The following BUB1 variants were observed in gnomAD, a reference collection of about 807,000 sequenced individuals.
The protein encoded by BUB1 is BUB1 mitotic checkpoint serine/threonine kinase.
In BUB1, 84 loss-of-function variants were observed where a neutral mutation model predicts 135.2. The observed-to-expected ratio is 0.62, with a 90% CI of 0.52 to 0.74. The LOEUF (loss-of-function observed/expected upper bound fraction) is 0.74. Ranked by LOEUF, BUB1 falls within the 30% of genes least tolerant of loss-of-function variation. The pLI, the probability that BUB1 is intolerant of heterozygous loss-of-function variation, is 0.00. For synonymous variants in BUB1, 403 were observed against 434.4 expected, an observed-to-expected ratio of 0.93 and a Z score of 0.90; for missense variants, 1,162 against 1,288.3, an observed-to-expected ratio of 0.90 and a Z score of 1.50.
chr2:110,655,643 T>A (rs1216407975), intron 16 of BUB1, 96 bp downstream of exon 16: 1 of 1,193,902 alleles, frequency 8.4e-7, no homozygotes, highest in Non-Finnish European at 1.1e-6. Flanking sequence ...CCATGTGGAA[T>A]TTCCATGAAG....
At chr2:110,675,704 T>G (rs911724240) in intron 1 of BUB1, among the ~76,000 whole-genome samples, 1 of 151,992 alleles carries the variant, frequency 6.6e-6, no homozygotes, top group African/African-American at 2.4e-5. Flanking sequence ...CACGCTGGAG[T>G]GCAACAGTGC....
In BUB1 at chr2:110,657,614, G is replaced by C. The variant is rs1689967941; in HGVS notation, c.1548C>G (p.Val516=). 6.2e-7 allele frequency: 1 copy of C among 1,604,170 alleles called. No homozygotes were observed. Among genetic ancestry groups the C allele is most frequent in the Non-Finnish European group, 8.5e-7 (1 of 1,174,708 alleles). Residue 516 remains valine (V), a synonymous_variant, in exon 14 of 25, where the codon GTC becomes GTG. Transcript: ENST00000302759. ...ATGACAAAGAAGAGATGATCTTATTGACTCCCCAAGCCCCAGATGACCTTA... is the reference window on the plus strand; with the variant it reads ...ATGACAAAGAAGAGATGATCTTATTCACTCCCCAAGCCCCAGATGACCTTA... The part of the protein sequence containing the change: ...KNVRSSGAWG[V]NKIISSLSSA...
chr2:110,671,103 A>AT (rs1690407680), intron 4 of BUB1, among the ~76,000 whole-genome samples: 1 of 152,224 alleles, frequency 6.6e-6, no homozygotes, highest in Non-Finnish European at 1.5e-5. Context: ...TTTCTGAGCG[A>AT]TGCGAGCCAA....
chr2:110,639,653 A>C, intron 24 of BUB1, 89 bp downstream of exon 24: 2 of 1,071,494 alleles, frequency 1.9e-6, no homozygotes, highest in Non-Finnish European at 1.4e-6. Context: ...ATGCGGTGGC[A>C]GAGATCCTTT....
At chr2:110,653,588 T>A in intron 16 of BUB1, 65 bp from the exon 17 acceptor site, 1 of 1,310,904 alleles carries the variant, frequency 7.6e-7, no homozygotes, top group Non-Finnish European at 1.1e-6. Context: ...CACACACCAT[T>A]TGATATGGTT....
In BUB1 at chr2:110,659,967, T is replaced by C. The variant is rs1690037140; in HGVS notation, c.1276+11A>G. On this transcript the variant is annotated intron_variant, in intron 11 of 24. Coordinates refer to ENST00000302759, the MANE Select transcript of BUB1 (RefSeq NM_004336.5). Reference sequence around the variant, plus strand: ...CTGGACAGAAACACATTTATTATAATTAAACATTACCTTCTTTGATCTCTG... The same window carrying C: ...CTGGACAGAAACACATTTATTATAACTAAACATTACCTTCTTTGATCTCTG... 1 of 1,601,646 alleles carries C rather than the reference T, an allele frequency of 6.2e-7. No individual in the cohort carries two copies. Among genetic ancestry groups the C allele is most frequent in the Non-Finnish European group, 8.6e-7 (1 of 1,168,992 alleles).
At chr2:110,674,637 A>T (rs1334619313) in intron 1 of BUB1, among the ~76,000 whole-genome samples, 1 of 152,222 alleles carries the variant, frequency 6.6e-6, no homozygotes, top group Non-Finnish European at 1.5e-5. Flanking sequence ...TATCCCCAAG[A>T]GTCTCCTTCT....
rs777790975 is a variant in BUB1, at chr2:110,660,015, A to G, written c.1239T>C (p.His413=). The part of the protein sequence containing the change: ...KDAGCVNKST[H]EFKPQSGAEI... ...CTGCTCCACTCTGTGGCTTGAATTC[A>G]TGAGTACTCTTATTCACACATCTGG... Residue 413 remains histidine (H), a synonymous_variant, in exon 11 of 25, where the codon CAT becomes CAC. Coordinates refer to ENST00000302759, the MANE Select transcript of BUB1 (RefSeq NM_004336.5). The G allele has an allele frequency of 6.2e-7, 1 of 1,611,800 alleles. No homozygotes were observed. Among genetic ancestry groups the G allele is most frequent in the African/African-American group, 1.3e-5 (1 of 75,002 alleles).
rs1690513369 is a variant in BUB1, at chr2:110,674,320, A to C, written c.72T>G (p.Leu24=). The C allele has an allele frequency of 2.5e-6, 4 of 1,614,102 alleles. No homozygotes were observed. The Middle Eastern group carries it at 6.6e-4, about 266-fold the overall frequency. Residue 24 remains leucine, a synonymous_variant, in exon 2 of 25, where the codon CTT becomes CTG. Coordinates refer to ENST00000302759, the MANE Select transcript of BUB1 (RefSeq NM_004336.5). ...HMQSYKGNDP[L]GEWERYIQWV... ...TAAATGCTGACCTTTCCCATTCACC[A>C]AGAGGGTCATTGCCCTTGTAGCTCT...
At chr2:110,663,788 G>T (rs920971371) in intron 9 of BUB1, among the ~76,000 whole-genome samples, 1 of 152,196 alleles carries the variant, frequency 6.6e-6, no homozygotes, top group Non-Finnish European at 1.5e-5. Flanking sequence ...CAACACTTTG[G>T]GGGGCCAAGG....
chr2:110,639,846 G>T lies in BUB1; in HGVS notation c.2958C>A (p.Ile986=). The change falls in exon 24 of 25, where the codon ATC becomes ATA. Residue 986 remains isoleucine, a splice_region_variant and synonymous_variant. Transcript: ENST00000302759. ...CTGTTGCAGCAACCCCAAAGTAATCGATCTATGAAGAAGATAGAGGTATAT... is the reference window on the plus strand; with the variant it reads ...CTGTTGCAGCAACCCCAAAGTAATCTATCTATGAAGAAGATAGAGGTATAT... ...MLSNKPWNYQ[I]DYFGVAATVY... The T allele has an allele frequency of 6.2e-7, 1 of 1,609,762 alleles. No individual in the cohort carries two copies. The highest frequency in any genetic ancestry group is 8.5e-7 in the Non-Finnish European group (1 of 1,176,124).
Position 110,649,364 on chromosome 2 carries a change from C to T in BUB1, c.2217G>A (p.Gly739=). The change falls in exon 19 of 25, where the codon GGG becomes GGA. Residue 739 remains glycine (G), a synonymous_variant. Transcript: ENST00000302759. ...GTVDAPNFIV[G]NPWDDKLIFK... is the part of the protein sequence containing the mutation. ...AAATCAGCTTATCATCCCATGGGTT[C>T]CCAACAATGAAGTCTTAAAGGAATG... is the stretch of plus-strand genomic sequence containing the variant. 6.3e-7 allele frequency: 1 copy of T among 1,582,854 alleles called. No homozygotes were observed. Among genetic ancestry groups the T allele is most frequent in the Non-Finnish European group, 8.6e-7 (1 of 1,166,454 alleles).
At chr2:110,660,098 G>GT (rs1180020085) in intron 10 of BUB1, 62 bp from the exon 11 acceptor site, 2 of 1,428,158 alleles carry the variant, frequency 1.4e-6, no homozygotes, top group Non-Finnish European at 2.0e-6. Context: ...GCTGGGTGCG[G>GT]TGGTGGCTCA....
At chr2:110,653,567 T>A in intron 16 of BUB1, 44 bp from the exon 17 acceptor site, 1 of 1,485,406 alleles carries the variant, frequency 6.7e-7, no homozygotes, top group Non-Finnish European at 9.4e-7. Flanking sequence ...TAGATGCACA[T>A]GTGTGCACAA....
At chr2:110,640,990 C>T in intron 23 of BUB1, 44 bp downstream of exon 23, 1 of 1,509,690 alleles carries the variant, frequency 6.6e-7, no homozygotes, top group South Asian at 1.4e-5. Flanking sequence ...CTGATAAGCG[C>T]AACACAGAAA....
In BUB1 at chr2:110,657,059, T is replaced by C. The variant is rs771421683; in HGVS notation, c.1675A>G (p.Ser559Gly). Reference sequence around the variant, plus strand: ...ACCTTTGGTTTTGAAGGAAGTCTGCTGACAGAGCGTTCTCCAAAGGTCCTG... The same window carrying C: ...ACCTTTGGTTTTGAAGGAAGTCTGCCGACAGAGCGTTCTCCAAAGGTCCTG... ...GARTFGERSVSRLPSKPKEEV... is the reference protein window; with the variant it reads ...GARTFGERSVGRLPSKPKEEV... The change falls in exon 15 of 25, where the codon AGC becomes GGC. Residue 559 changes from serine to glycine, a missense_variant. By Grantham distance (56) the Ser-to-Gly change is moderately conservative. Coordinates refer to ENST00000302759, the MANE Select transcript of BUB1 (RefSeq NM_004336.5). 5.0e-6 allele frequency: 8 copies of C among 1,613,264 alleles called. No homozygotes were observed. In the Admixed American group the frequency reaches 1.2e-4, roughly 24 times the overall value.
chr2:110,638,837 G>T (rs1271241463), intron 24 of BUB1, among the ~76,000 whole-genome samples: 1 of 152,158 alleles, frequency 6.6e-6, no homozygotes, highest in Non-Finnish European at 1.5e-5. Flanking sequence ...GCAGAATAAA[G>T]AATAGTTGTT....
chr2:110,646,611 G>T (rs1689654197), intron 19 of BUB1, among the ~76,000 whole-genome samples: 1 of 152,168 alleles, frequency 6.6e-6, no homozygotes. Flanking sequence ...ATCATACACA[G>T]TATGAAAGGT....
At chr2:110,671,759 C>T (rs964578562) in intron 4 of BUB1, among the ~76,000 whole-genome samples, 2 of 152,018 alleles carry the variant, frequency 1.3e-5, no homozygotes, top group African/African-American at 4.8e-5. Flanking sequence ...TGACGCAAAG[C>T]TGTATATGTA....
Sources: gnomAD v4.1 joint callset for allele counts (sites outside exome capture counted in the v4.1 genomes callset) on GRCh38, gnomAD v4.1.1 for gene constraint, MANE v1.5 for transcripts, NCBI Gene and HGNC (gene_info 2026-07-23, HGNC 2026-07-21) for gene names.